RPS6KC1: variants seen among roughly 807,000 people sequenced by gnomAD.
The protein encoded by RPS6KC1 is inactive ribosomal protein S6 kinase delta-1.
In RPS6KC1, 54 loss-of-function variants were observed where a neutral mutation model predicts 103.8. The ratio of observed to expected loss-of-function variants is 0.52; its 90% CI spans 0.42 to 0.65. The LOEUF (loss-of-function observed/expected upper bound fraction) is 0.65, where lower values mean the gene tolerates loss of function less well. Ranked by LOEUF, RPS6KC1 falls within the 30% of genes least tolerant of loss-of-function variation. RPS6KC1 has a pLI of 0.00. For missense variants in RPS6KC1, 1,151 were observed against 1,253.8 expected (o/e 0.92, Z 1.24); for synonymous variants, 439 against 438.7 (o/e 1.00, Z -0.01).
At chr1:213,299,865 C>T in the RPS6KC1 span, among the ~76,000 whole-genome samples, 3 of 152,078 alleles carry the variant, frequency 2.0e-5, no homozygotes, top group Non-Finnish European at 4.4e-5. Context: ...AGTGCAGTGG[C>T]GTGATTTCTG....
chr1:213,152,006 G>A (rs2089109504), intron 6 of RPS6KC1, among the ~76,000 whole-genome samples: 1 of 127,248 alleles, frequency 7.9e-6, no homozygotes, highest in South Asian at 2.5e-4. Context: ...GGGTGGCCGG[G>A]CAGAGGCGCC....
At chr1:213,531,009 T>C in the RPS6KC1 span, among the ~76,000 whole-genome samples, 1 of 152,250 alleles carries the variant, frequency 6.6e-6, no homozygotes, top group Admixed American at 6.5e-5. Flanking sequence ...TTGCTAATTG[T>C]TATTTTTTTG....
Position 213,196,113 on chromosome 1 carries a change from C to T in RPS6KC1, c.1044+19621C>T, listed in dbSNP as rs372572565. Among the ~76,000 whole-genome samples, 6 of 152,116 alleles carry T rather than the reference C, an allele frequency of 3.9e-5. No homozygotes were observed. The East Asian group carries it at 9.7e-4, about 24-fold the overall frequency. ...TTTCCACTAGCAGTGTAGAAGTGTT[C>T]CCTTTTCACCACATCCACACCAAAA... is the stretch of plus-strand genomic sequence containing the variant. On this transcript the variant is annotated intron_variant, in intron 8 of 14. Coordinates refer to ENST00000366960, the MANE Select transcript of RPS6KC1 (RefSeq NM_012424.6).
chr1:213,207,441 A>C (rs2093381153), intron 8 of RPS6KC1, among the ~76,000 whole-genome samples: 1 of 152,154 alleles, frequency 6.6e-6, no homozygotes, highest in African/African-American at 2.4e-5. Context: ...GAGGGCTGCT[A>C]CCTGAGAGAT....
intron 8 of RPS6KC1, among the ~76,000 whole-genome samples, chr1:213,193,723 C>T (rs1178182709): frequency 2.0e-5 from 3 of 152,072 alleles, no homozygotes; most frequent in East Asian, 1.9e-4. Context: ...GCAACCTCCA[C>T]GCTTAAACGA....
chr1:213,363,609 GCTTGCTTGCTTGCTTGCTTTCTTT>G, the RPS6KC1 span, among the ~76,000 whole-genome samples: 31 of 71,770 alleles, frequency 4.3e-4, 1 homozygote, highest in Middle Eastern at 6.8e-3. Context: ...TCGCTCGCTT[GCTTGCTTGCTTGCTTGCTTTCTTT>G]CTTTCTTTCT....
the RPS6KC1 span, among the ~76,000 whole-genome samples, chr1:213,553,672 C>T: frequency 1.4e-3 from 210 of 152,078 alleles, no homozygotes; most frequent in Non-Finnish European, 1.8e-3. Context: ...TCCTTTTCTC[C>T]GCAACATTGT....
chr1:213,336,257 A>G, the RPS6KC1 span, among the ~76,000 whole-genome samples: 2 of 152,230 alleles, frequency 1.3e-5, no homozygotes, highest in Non-Finnish European at 2.9e-5. Context: ...TACAGCAAGT[A>G]TTGAAGGCCC....
chr1:213,108,442 C>T (rs142859140), intron 4 of RPS6KC1, among the ~76,000 whole-genome samples: 21 of 152,170 alleles, frequency 1.4e-4, no homozygotes, highest in African/African-American at 4.8e-4. Flanking sequence ...TATTAATCTA[C>T]GTGCCTGTCT....
the RPS6KC1 span, among the ~76,000 whole-genome samples, chr1:213,554,782 G>A: frequency 1.3e-5 from 2 of 152,226 alleles, no homozygotes; most frequent in South Asian, 2.1e-4. Flanking sequence ...TATTCATTCA[G>A]TGCTTCCTTT....
chr1:213,394,779 C>T, the RPS6KC1 span, among the ~76,000 whole-genome samples: 2 of 152,198 alleles, frequency 1.3e-5, no homozygotes, highest in Admixed American at 6.5e-5. Flanking sequence ...ACTCTCTCCA[C>T]GCACTCGCAA....
At chr1:213,553,776 G>A in the RPS6KC1 span, among the ~76,000 whole-genome samples, 1 of 152,110 alleles carries the variant, frequency 6.6e-6, no homozygotes, top group African/African-American at 2.4e-5. Flanking sequence ...TTTACCTAAT[G>A]ATTAGTGATA....
At chr1:213,333,601 C>T in the RPS6KC1 span, among the ~76,000 whole-genome samples, 10 of 152,040 alleles carry the variant, frequency 6.6e-5, no homozygotes, top group East Asian at 1.9e-4. Context: ...CCTGTGGTGC[C>T]GCGTGTTGCA....
chr1:213,269,354 A>G (rs2094986834), intron 14 of RPS6KC1, among the ~76,000 whole-genome samples: 1 of 152,234 alleles, frequency 6.6e-6, no homozygotes, highest in Admixed American at 6.5e-5. Context: ...AGTAATAGTA[A>G]GTGGAGGCTC....
intron 6 of RPS6KC1, among the ~76,000 whole-genome samples, chr1:213,160,965 T>G (rs533043360): frequency 1.5e-4 from 23 of 152,040 alleles, no homozygotes; most frequent in African/African-American, 5.3e-4. Context: ...ATCTGCACAT[T>G]GTGCACATGT....
the RPS6KC1 span, among the ~76,000 whole-genome samples, chr1:213,859,647 C>T: frequency 6.6e-6 from 1 of 152,146 alleles, no homozygotes. Context: ...TTTTCTGACT[C>T]CCGTTCTAGA....
intron 6 of RPS6KC1, among the ~76,000 whole-genome samples, chr1:213,159,983 G>A (rs886598085): frequency 6.6e-6 from 1 of 152,150 alleles, no homozygotes; most frequent in Admixed American, 6.5e-5. Context: ...AGGTTATTAG[G>A]CACCTTGAGA....
At chr1:213,192,022 G>A (rs1407350677) in intron 8 of RPS6KC1, among the ~76,000 whole-genome samples, 3 of 152,006 alleles carry the variant, frequency 2.0e-5, no homozygotes, top group South Asian at 4.1e-4. Context: ...CCAAAGTGCT[G>A]GGATTACAGG....
At chr1:213,317,551 A>T in the RPS6KC1 span, among the ~76,000 whole-genome samples, 1 of 152,016 alleles carries the variant, frequency 6.6e-6, no homozygotes, top group Non-Finnish European at 1.5e-5. Context: ...TTCCATAAAG[A>T]CCCCATCTCC....
Sources: allele counts gnomAD v4.1 joint callset (sites outside exome capture counted in the v4.1 genomes callset), GRCh38; gene constraint gnomAD v4.1.1; transcripts MANE v1.5; gene names NCBI Gene and HGNC (gene_info 2026-07-23, HGNC 2026-07-21).